CDH13: variants seen among roughly 807,000 people sequenced by gnomAD.
CDH13 encodes the protein cadherin 13, also known as cadherin-13.
A neutral mutation model predicts 63.8 loss-of-function variants in CDH13; 24 were observed. The ratio of observed to expected loss-of-function variants is 0.38; its 90% confidence interval spans 0.27 to 0.53. The LOEUF is 0.53. CDH13 is among the 20% of genes least tolerant of loss of function. CDH13 has a pLI of 0.85. For synonymous variants in CDH13, 503 were observed against 355.3 expected, an observed-to-expected ratio of 1.42 and a Z score of -4.67; for missense variants, 1,049 against 903.1, an observed-to-expected ratio of 1.16 and a Z score of -2.07.
chr16:83,058,357 G>A (rs993743594), intron 3 of CDH13, among the ~76,000 whole-genome samples: 3 of 152,192 alleles, frequency 2.0e-5, no homozygotes, highest in Middle Eastern at 3.2e-3. Flanking sequence ...TGCGTGTGCC[G>A]CTGGCCAATT....
At chr16:83,779,365 C>CCATTGCACT (rs1188860247) in intron 11 of CDH13, among the ~76,000 whole-genome samples, 4 of 125,428 alleles carry the variant, frequency 3.2e-5, no homozygotes, top group Admixed American at 2.0e-4. Flanking sequence ...CGAGATTGCG[C>CCATTGCACT]CATTGCACTC....
chr16:82,671,951 T>C (rs1185028701), intron 1 of CDH13, among the ~76,000 whole-genome samples: 2 of 152,212 alleles, frequency 1.3e-5, no homozygotes, highest in East Asian at 1.9e-4. Flanking sequence ...TCTTTGTTTA[T>C]GAATTCTGCC....
At chr16:83,193,171 A>G (rs1256289075) in intron 4 of CDH13, among the ~76,000 whole-genome samples, 2 of 151,718 alleles carry the variant, frequency 1.3e-5, no homozygotes, top group Non-Finnish European at 2.9e-5. Flanking sequence ...AAAAAAGATC[A>G]GGGTATTAGC....
intron 1 of CDH13, among the ~76,000 whole-genome samples, chr16:82,694,109 C>T (rs1467639170): frequency 1.3e-5 from 2 of 152,190 alleles, no homozygotes; most frequent in South Asian, 2.1e-4. Context: ...TTAGTAGGTA[C>T]TCAATAATTC....
intron 7 of CDH13, among the ~76,000 whole-genome samples, chr16:83,590,947 G>A (rs1002825414): frequency 1.6e-5 from 2 of 127,602 alleles, no homozygotes; most frequent in African/African-American, 3.0e-5. Flanking sequence ...TTTCGCTCTC[G>A]TTGCCCAGGC....
intron 5 of CDH13, among the ~76,000 whole-genome samples, chr16:83,337,820 C>T (rs2090632533): frequency 6.6e-6 from 1 of 151,738 alleles, no homozygotes; most frequent in Non-Finnish European, 1.5e-5. Flanking sequence ...ATAAGAAACT[C>T]ATTAAGCTCC....
intron 1 of CDH13, among the ~76,000 whole-genome samples, chr16:82,682,810 T>A (rs1028742722): frequency 6.6e-6 from 1 of 152,172 alleles, no homozygotes; most frequent in Non-Finnish European, 1.5e-5. Context: ...CCTCTGCTCT[T>A]GTAATTTTCC....
chr16:82,990,808 T>C (rs1240387585), intron 2 of CDH13, among the ~76,000 whole-genome samples: 1 of 152,292 alleles, frequency 6.6e-6, no homozygotes, highest in African/African-American at 2.4e-5. Context: ...TCCAAAGTAC[T>C]GGGATTACAG....
chr16:82,859,544 C>T (rs552896548), intron 2 of CDH13: 7 of 149,872 alleles, frequency 4.7e-5, no homozygotes, highest in East Asian at 3.9e-4. Flanking sequence ...GGTGACAGAG[C>T]GAGACTGTGT....
intron 5 of CDH13, among the ~76,000 whole-genome samples, chr16:83,254,133 C>A (rs1473456309): frequency 3.3e-5 from 5 of 152,190 alleles, no homozygotes; most frequent in African/African-American, 1.2e-4. Flanking sequence ...GCAAGCCAAG[C>A]ACCCTGGAGT....
chr16:83,558,991 G>C (rs1220517228), intron 7 of CDH13, among the ~76,000 whole-genome samples: 1 of 152,090 alleles, frequency 6.6e-6, no homozygotes, highest in Non-Finnish European at 1.5e-5. Context: ...TCCCTCAATG[G>C]GGTCAGCATC....
At chr16:82,768,427 C>T (rs193222485) in intron 1 of CDH13, among the ~76,000 whole-genome samples, 42 of 152,310 alleles carry the variant, frequency 2.8e-4, no homozygotes, top group African/African-American at 9.6e-4. Flanking sequence ...TTGTGTCTGT[C>T]AACCTGGCCT....
rs1915668373 is a variant in CDH13, at chr16:83,783,420, C to A, written c.2082C>A (p.Ala694=). 6.2e-7 allele frequency: 1 copy of A among 1,613,866 alleles called. No homozygotes were observed. Among genetic ancestry groups the A allele is most frequent in the South Asian group, 1.1e-5 (1 of 91,084 alleles). ...AAGTGGACTGCAACGCGGCAGGGGC[C>A]CTGCGCTTCAGCCTGCCCTCAGTCC... ...NSKVDCNAAG[A]LRFSLPSVLL... Residue 694 remains alanine (A), a synonymous_variant, in exon 13 of 14, where the codon GCC becomes GCA. Coordinates refer to ENST00000567109, the MANE Select transcript of CDH13 (RefSeq NM_001257.5).
chr16:83,274,121 C>G (rs1050369742), intron 5 of CDH13, among the ~76,000 whole-genome samples: 5 of 152,202 alleles, frequency 3.3e-5, no homozygotes, highest in African/African-American at 9.7e-5. Context: ...GCCGTCTCCT[C>G]CATCCCAACA....
rs142787721 is a variant in CDH13 at position 82,784,741 on chromosome 16, A to G, written c.46-73621A>G. On this transcript the variant is annotated intron_variant, in intron 1 of 13. Coordinates refer to ENST00000567109, the MANE Select transcript of CDH13 (RefSeq NM_001257.5). ...GGGAAGTAGAGGAGGTTTCTGGGAA[A>G]CAGTGACATTCAAACTGGCAAAAAG... is the stretch of plus-strand genomic sequence containing the variant. 7.4e-4 allele frequency among the ~76,000 whole-genome samples: 113 copies of G among 152,300 alleles called. 1 individual carries two copies. In the East Asian group the frequency reaches 0.021, roughly 28 times the overall value.
Position 82,999,451 on chromosome 16 carries a change from T to A in CDH13, c.158-32559T>A, listed in dbSNP as rs564048305. On this transcript the variant is annotated intron_variant, in intron 2 of 13. Coordinates refer to ENST00000567109, the MANE Select transcript of CDH13 (RefSeq NM_001257.5). The stretch of plus-strand genomic sequence containing the variant: ...ATATCATAACCACATAACACATGTT[T>A]ATATATATAGATATGCCCTTACATC... Among the ~76,000 whole-genome samples, 3 of 122,776 alleles carry A rather than the reference T, an allele frequency of 2.4e-5. No individual in the cohort carries two copies. In the South Asian group the frequency reaches 7.7e-4, roughly 32 times the overall value. The allele number at this position is 122,776 out of a possible 152,430, so 80.5% of individuals were successfully genotyped here.
chr16:83,496,126 C>T lies in CDH13; in HGVS notation c.960+9471C>T, dbSNP rs552280513. The stretch of plus-strand genomic sequence containing the variant: ...TTCAGTGCCATCCCCATCAAGCTAC[C>T]AATGACTTTCTTCACAGAATTGGAA... On this transcript the variant is annotated intron_variant, in intron 7 of 13. Coordinates refer to ENST00000567109, the MANE Select transcript of CDH13 (RefSeq NM_001257.5). Among the ~76,000 whole-genome samples the T allele has an allele frequency of 4.6e-5, 7 of 152,100 alleles. No homozygotes were observed. The South Asian group carries it at 1.5e-3, about 32-fold the overall frequency.
intron 4 of CDH13, among the ~76,000 whole-genome samples, chr16:83,209,052 A>G (rs373540774): frequency 4.6e-5 from 7 of 152,164 alleles, no homozygotes; most frequent in Non-Finnish European, 1.0e-4. Flanking sequence ...TGGGGGTGGC[A>G]GCAGGTTCAA....
intron 2 of CDH13, among the ~76,000 whole-genome samples, chr16:82,875,419 A>G (rs1459172927): frequency 1.3e-5 from 2 of 152,252 alleles, no homozygotes; most frequent in African/African-American, 4.8e-5. Context: ...AGGAAGTTGC[A>G]TAGTCACAGG....
Sources: gnomAD v4.1 joint callset for allele counts (sites outside exome capture counted in the v4.1 genomes callset) on GRCh38, gnomAD v4.1.1 for gene constraint, MANE v1.5 for transcripts, NCBI Gene and HGNC (gene_info 2026-07-23, HGNC 2026-07-21) for gene names.